Variants in ADAM22 observed in about 807,000 individuals in gnomAD.
ADAM22 encodes the protein disintegrin and metalloproteinase domain-containing protein 22.
In ADAM22, 65 loss-of-function variants were observed where a neutral mutation model predicts 144.6. The ratio of observed to expected loss-of-function variants is 0.45; its 90% confidence interval spans 0.37 to 0.55. ADAM22 has a LOEUF of 0.55. Among genes scored for constraint, ADAM22 ranks in the 20% least tolerant of loss-of-function variants. The pLI is 0.00. For missense variants in ADAM22, 974 were observed against 1,184.9 expected (o/e 0.82, Z 2.61); for synonymous variants, 391 against 412.6 (o/e 0.95, Z 0.63).
intron 21 of ADAM22, 85 bp downstream of exon 21, chr7:88,153,411 T>C (rs1187050452): frequency 2.7e-6 from 3 of 1,098,542 alleles, no homozygotes; most frequent in Non-Finnish European, 4.0e-6. Context: ...TTCTGCTTTC[T>C]GCATCACACA....
intron 3 of ADAM22, among the ~76,000 whole-genome samples, chr7:88,033,394 A>G (rs1800759336): frequency 6.6e-6 from 1 of 152,208 alleles, no homozygotes; most frequent in South Asian, 2.1e-4. Flanking sequence ...TGGCAATCAA[A>G]CAGAGTCTCT....
chr7:87,991,926 C>G (rs1427291519), intron 3 of ADAM22, among the ~76,000 whole-genome samples: 1 of 152,210 alleles, frequency 6.6e-6, no homozygotes, highest in Non-Finnish European at 1.5e-5. Flanking sequence ...TTAAAACTCA[C>G]TAGTGAAATA....
At chr7:87,950,445 A>G (rs1040711957) in intron 2 of ADAM22, among the ~76,000 whole-genome samples, 2 of 148,940 alleles carry the variant, frequency 1.3e-5, no homozygotes, top group Admixed American at 1.3e-4. Context: ...AATTTCATCC[A>G]TGTCCCTACA....
At chr7:88,114,964 A>C (rs1308728163) in intron 6 of ADAM22, among the ~76,000 whole-genome samples, 2 of 152,180 alleles carry the variant, frequency 1.3e-5, no homozygotes, top group African/African-American at 4.8e-5. Flanking sequence ...TTTTTTAAAA[A>C]ATTTCTTGCC....
chr7:87,980,877 A>G (rs1010818045), intron 3 of ADAM22, among the ~76,000 whole-genome samples: 1 of 152,148 alleles, frequency 6.6e-6, no homozygotes, highest in African/African-American at 2.4e-5. Context: ...GGACAGATGT[A>G]TTAACAAAAT....
At chr7:88,074,246 A>G (rs1287651760) in intron 3 of ADAM22, among the ~76,000 whole-genome samples, 2 of 152,220 alleles carry the variant, frequency 1.3e-5, no homozygotes, top group Admixed American at 6.5e-5. Flanking sequence ...TATATATTTA[A>G]TATATCATGA....
At chr7:87,974,172 C>T (rs1269753445) in intron 2 of ADAM22, among the ~76,000 whole-genome samples, 8 of 150,474 alleles carry the variant, frequency 5.3e-5, no homozygotes, top group African/African-American at 2.0e-4. Context: ...GCCGTGGTGG[C>T]GGGTGTCTGT....
chr7:88,025,147 A>C (rs555235043), intron 3 of ADAM22, among the ~76,000 whole-genome samples: 5 of 152,268 alleles, frequency 3.3e-5, no homozygotes, highest in South Asian at 2.1e-4. Context: ...ACAATGGTTG[A>C]ACTAGTTTAC....
At chr7:88,020,120 A>T (rs1195372768) in intron 3 of ADAM22, among the ~76,000 whole-genome samples, 2 of 152,104 alleles carry the variant, frequency 1.3e-5, no homozygotes, top group African/African-American at 4.8e-5. Context: ...TATACCTGTG[A>T]CCTACTGCAT....
chr7:88,164,871 G>A (rs1563368883), intron 23 of ADAM22, among the ~76,000 whole-genome samples: 1 of 152,034 alleles, frequency 6.6e-6, no homozygotes, highest in Non-Finnish European at 1.5e-5. Context: ...GAAGCCAGGC[G>A]ACCTGATTAA....
At chr7:87,937,825 A>G (rs1315437648) in intron 2 of ADAM22, among the ~76,000 whole-genome samples, 3 of 152,252 alleles carry the variant, frequency 2.0e-5, no homozygotes, top group African/African-American at 7.2e-5. Flanking sequence ...TCAGAAATGA[A>G]AGCAATGATA....
intron 2 of ADAM22, among the ~76,000 whole-genome samples, chr7:87,940,528 A>G (rs1255262471): frequency 6.6e-6 from 1 of 152,208 alleles, no homozygotes; most frequent in Admixed American, 6.5e-5. Context: ...TTGGTTTTAA[A>G]TAGTAATTCT....
chr7:87,982,698 T>TATATATATATATATATATATATATAA (rs1190579885), intron 3 of ADAM22, among the ~76,000 whole-genome samples: 1 of 72,868 alleles, frequency 1.4e-5, no homozygotes, highest in Non-Finnish European at 2.5e-5. Context: ...TATATATATA[T>TATATATATATATATATATATATATAA]AATTTTTTTT....
intron 3 of ADAM22, among the ~76,000 whole-genome samples, chr7:88,053,901 C>T (rs772774437): frequency 3.3e-5 from 5 of 152,042 alleles, no homozygotes; most frequent in Middle Eastern, 3.2e-3. Flanking sequence ...GAGGCTGAGG[C>T]GGGCAGATCA....
At chr7:88,174,629 A>T (rs921749697) in intron 26 of ADAM22, among the ~76,000 whole-genome samples, 2 of 152,178 alleles carry the variant, frequency 1.3e-5, no homozygotes, top group African/African-American at 2.4e-5. Context: ...TAGAATAAGA[A>T]ACAGTAACTG....
At chr7:88,196,436 C>G (rs1239710682) in intron 31 of ADAM22, 35 bp from the exon 32 acceptor site, 8 of 1,613,422 alleles carry the variant, frequency 5.0e-6, no homozygotes, top group Non-Finnish European at 6.8e-6. Context: ...TTCCTGCTTT[C>G]ACAATGTGCA....
At chr7:87,963,048 T>C (rs948612840) in intron 2 of ADAM22, among the ~76,000 whole-genome samples, 1 of 152,180 alleles carries the variant, frequency 6.6e-6, no homozygotes, top group Non-Finnish European at 1.5e-5. Context: ...TGTAAGATAA[T>C]AACATGTCTT....
intron 8 of ADAM22, among the ~76,000 whole-genome samples, chr7:88,127,586 G>GTT (rs3831545): frequency 1.4e-5 from 2 of 145,336 alleles, no homozygotes; most frequent in African/African-American, 2.5e-5. Context: ...TGTTATAATA[G>GTT]TTTTTTTTTT....
At chr7:87,982,044 CATATATATATAT>C (rs57982467) in intron 3 of ADAM22, among the ~76,000 whole-genome samples, 69 of 113,228 alleles carry the variant, frequency 6.1e-4, no homozygotes, top group African/African-American at 2.2e-3. Flanking sequence ...ATGTTTATTT[CATATATATATAT>C]ATATATATAT....
Sources: gnomAD v4.1 joint callset for allele counts (sites outside exome capture counted in the v4.1 genomes callset) on GRCh38, gnomAD v4.1.1 for gene constraint, MANE v1.5 for transcripts, NCBI Gene and HGNC (gene_info 2026-07-23, HGNC 2026-07-21) for gene names.